PCDHGA10: variants seen among roughly 807,000 people sequenced by gnomAD.
PCDHGA10 encodes protocadherin gamma subfamily A, 10.
PCDHGA10 carries 42 observed loss-of-function variants against 59.5 expected under a neutral mutation model. The observed-to-expected ratio is 0.71, with a 90% CI of 0.55 to 0.91. The LOEUF (loss-of-function observed/expected upper bound fraction) is 0.91, where lower values mean the gene tolerates loss of function less well. Ranked by LOEUF, PCDHGA10 falls within the 40% of genes least tolerant of loss-of-function variation. PCDHGA10 has a pLI of 0.00. For synonymous variants in PCDHGA10, 511 were observed against 517.2 expected (o/e 0.99, Z 0.16); for missense variants, 1,111 against 1,198.2 (o/e 0.93, Z 1.07).
Position 141,477,198 on chromosome 5 carries a change from TACCCGAGGATG to T in PCDHGA10, c.2437-17608_2437-17598del. 6.2e-7 allele frequency: 1 copy of T among 1,614,194 alleles called. No homozygotes were observed. The highest frequency in any genetic ancestry group is 2.2e-5 in the East Asian group (1 of 44,874). On this transcript the variant is annotated intron_variant, in intron 1 of 3. Transcript: ENST00000398610. The surrounding 1 kb of genome is among the most constrained non-coding windows in gnomAD (Gnocchi z 4.9). ...ACAGTCACCTCCGTGTACAGCCCAG[TACCCGAGGATG>T]CCCCTCTGGGGACTGTCATCGCTTT...
intron 1 of PCDHGA10, among the ~76,000 whole-genome samples, chr5:141,462,877 T>G (rs1387501705): frequency 1.3e-5 from 2 of 152,240 alleles, no homozygotes; most frequent in African/African-American, 4.8e-5. Flanking sequence ...CTTTAAGAAC[T>G]ATTGCAGTTT....
At chr5:141,418,409 G>C in intron 1 of PCDHGA10, 4 of 1,613,910 alleles carry the variant, frequency 2.5e-6, no homozygotes, top group Admixed American at 1.7e-5. Context: ...GGTGGAGAAA[G>C]ACAATCCTGA....
chr5:141,431,833 AAACTCT>A lies in PCDHGA10; in HGVS notation c.2436+16223_2436+16228del. The A allele has an allele frequency of 1.2e-6, 2 of 1,614,278 alleles. No homozygotes were observed. Among genetic ancestry groups the A allele is most frequent in the Non-Finnish European group, 1.7e-6 (2 of 1,180,044 alleles). ...CCTCTCTCGCCAGCTCGGTTCCCGA[AAACTCT>A]CCCAGAGGGACATTAATTGCCCTTT... is the stretch of plus-strand genomic sequence containing the variant. On this transcript the variant is annotated intron_variant, in intron 1 of 3. Transcript: ENST00000398610. This position sits in a 1 kb window ranked among gnomAD's most constrained non-coding sequence, Gnocchi z 4.8.
At chr5:141,461,963 C>T (rs1396490046) in intron 1 of PCDHGA10, among the ~76,000 whole-genome samples, 1 of 152,084 alleles carries the variant, frequency 6.6e-6, no homozygotes, top group Non-Finnish European at 1.5e-5. Flanking sequence ...AGCTGGGATT[C>T]CAGGCATATG....
At chr5:141,418,305 G>T in intron 1 of PCDHGA10, 1 of 1,614,026 alleles carries the variant, frequency 6.2e-7, no homozygotes, top group South Asian at 1.1e-5. Context: ...GTCAGCCTGG[G>T]GATGGGAACA....
Position 141,487,491 on chromosome 5 carries a change from C to T in PCDHGA10, c.2437-7316C>T. ...GTGGGAGGCCACTCTCATGGCTGTA[C>T]ACCCTTGGCTTCTGCACCCACTCGG... is the stretch of plus-strand genomic sequence containing the variant. On this transcript the variant is annotated intron_variant, in intron 1 of 3. Transcript: ENST00000398610. This position sits in a 1 kb window ranked among gnomAD's most constrained non-coding sequence, Gnocchi z 5.0. 6.2e-7 allele frequency: 1 copy of T among 1,614,204 alleles called. No individual in the cohort carries two copies. Among genetic ancestry groups the T allele is most frequent in the Non-Finnish European group, 8.5e-7 (1 of 1,180,034 alleles).
chr5:141,455,476 G>C (rs2098823789), intron 1 of PCDHGA10, among the ~76,000 whole-genome samples: 1 of 152,218 alleles, frequency 6.6e-6, no homozygotes. Flanking sequence ...ATATGCAGAG[G>C]CTGGTGGAGG....
chr5:141,489,558 G>A lies in PCDHGA10; in HGVS notation c.2437-5249G>A. On this transcript the variant is annotated intron_variant, in intron 1 of 3. Coordinates refer to ENST00000398610, the MANE Select transcript of PCDHGA10 (RefSeq NM_018913.3). The surrounding 1 kb of genome is among the most constrained non-coding windows in gnomAD (Gnocchi z 4.5). ...CCAGCACCAGCTGCCTGCTGCCAGT[G>A]CAGGTGGTGACTGAACACCCCCTGG... 1 of 1,614,130 alleles carries A rather than the reference G, an allele frequency of 6.2e-7. No individual in the cohort carries two copies. Among genetic ancestry groups the A allele is most frequent in the Non-Finnish European group, 8.5e-7 (1 of 1,180,024 alleles).
intron 1 of PCDHGA10, among the ~76,000 whole-genome samples, chr5:141,464,702 G>T (rs934638404): frequency 1.3e-5 from 2 of 151,942 alleles, no homozygotes; most frequent in African/African-American, 2.4e-5. Context: ...TATGAATGAG[G>T]TTAAATAGTT....
In PCDHGA10 at chr5:141,476,042, T is replaced by C. The variant is rs199923442; in HGVS notation, c.2437-18765T>C. On this transcript the variant is annotated intron_variant, in intron 1 of 3. Coordinates refer to ENST00000398610, the MANE Select transcript of PCDHGA10 (RefSeq NM_018913.3). The surrounding 1 kb of genome is among the most constrained non-coding windows in gnomAD (Gnocchi z 7.6). Reference sequence around the variant, plus strand: ...GACTCGGCGCCCAGCGCCCAAGCGCTAACCCGCTGAAAGTTTCTCAGCGAA... The same window carrying C: ...GACTCGGCGCCCAGCGCCCAAGCGCCAACCCGCTGAAAGTTTCTCAGCGAA... 1.4e-5 allele frequency: 21 copies of C among 1,491,832 alleles called. No individual in the cohort carries two copies. The highest frequency in any genetic ancestry group is 2.7e-6 in the Non-Finnish European group (3 of 1,123,808). 92.4% of individuals were successfully genotyped at this position (1,491,832 alleles called of 1,614,324 possible). A position where few individuals can be genotyped will look rare whatever the true frequency, so the allele number is the denominator to read the frequency against.
chr5:141,505,911 A>C (rs2099849083), intron 3 of PCDHGA10, among the ~76,000 whole-genome samples: 1 of 152,154 alleles, frequency 6.6e-6, no homozygotes, highest in South Asian at 2.1e-4. Flanking sequence ...CAAAGCATAG[A>C]GTTCTGGGCC....
chr5:141,448,338 T>A (rs1053822287), intron 1 of PCDHGA10, among the ~76,000 whole-genome samples: 1 of 152,192 alleles, frequency 6.6e-6, no homozygotes, highest in African/African-American at 2.4e-5. Context: ...TATAGCCATG[T>A]ACCTCAATCT....
In PCDHGA10 at chr5:141,489,645, C is replaced by T; in HGVS notation, c.2437-5162C>T. 1.2e-6 allele frequency: 2 copies of T among 1,614,156 alleles called. No homozygotes were observed. The highest frequency in any genetic ancestry group is 2.7e-5 in the African/African-American group (2 of 75,022). On this transcript the variant is annotated intron_variant, in intron 1 of 3. Transcript: ENST00000398610. This position sits in a 1 kb window ranked among gnomAD's most constrained non-coding sequence, Gnocchi z 4.5. ...ATGACAACTCTCCTAGCTTTGCCAC[C>T]CCTGAGCGAGAGATGCGCATCTCAG...
intron 1 of PCDHGA10, among the ~76,000 whole-genome samples, chr5:141,444,242 G>A (rs964582042): frequency 7.5e-6 from 1 of 133,896 alleles, no homozygotes; most frequent in Non-Finnish European, 1.5e-5. Flanking sequence ...CATGCTCTCG[G>A]CTCACTGCAA....
chr5:141,476,318 G>T lies in PCDHGA10; in HGVS notation c.2437-18489G>T. 3 of 1,614,202 alleles carry T rather than the reference G, an allele frequency of 1.9e-6. No homozygotes were observed. The highest frequency in any genetic ancestry group is 2.5e-6 in the Non-Finnish European group (3 of 1,180,052). The stretch of plus-strand genomic sequence containing the variant: ...TAGCCTCTCAGCCCGCAGGTTCCGG[G>T]TGGTGTCTGGAGCTAGCCGAAGATT... On this transcript the variant is annotated intron_variant, in intron 1 of 3. Transcript: ENST00000398610. This position sits in a 1 kb window ranked among gnomAD's most constrained non-coding sequence, Gnocchi z 7.6.
Position 141,450,006 on chromosome 5 carries a change from C to CTATTTTTT in PCDHGA10, c.2436+34396_2436+34397insATTTTTTT, listed in dbSNP as rs70988802. Among the ~76,000 whole-genome samples the CTATTTTTT allele has an allele frequency of 4.4e-4, 58 of 132,942 alleles. 2 individuals carry two copies. The highest frequency in any genetic ancestry group is 8.4e-4 in the African/African-American group (30 of 35,608). The allele number at this position is 132,942 out of a possible 152,430, so 87.2% of individuals were successfully genotyped here. A position where few individuals can be genotyped will look rare whatever the true frequency, so the allele number is the denominator to read the frequency against. ...CACATTGCATTTAGTTGCCATGTCT[C>CTATTTTTT]TTTTTTTTTTTTTTTTTTGAGACAG... On this transcript the variant is annotated intron_variant, in intron 1 of 3. Coordinates refer to ENST00000398610, the MANE Select transcript of PCDHGA10 (RefSeq NM_018913.3).
intron 1 of PCDHGA10, chr5:141,441,728 G>T: frequency 2.8e-6 from 1 of 361,966 alleles, no homozygotes. Flanking sequence ...CCCGCGACCA[G>T]GACTAGCTCG....
At chr5:141,449,101 G>T (rs1020443363) in intron 1 of PCDHGA10, among the ~76,000 whole-genome samples, 3 of 152,144 alleles carry the variant, frequency 2.0e-5, no homozygotes, top group Non-Finnish European at 4.4e-5. Flanking sequence ...TACATATGCA[G>T]TATATCTTTG....
chr5:141,493,656 T>C lies in PCDHGA10; in HGVS notation c.2437-1151T>C, dbSNP rs1481871984. Among the ~76,000 whole-genome samples, 1 of 152,184 alleles carries C rather than the reference T, an allele frequency of 6.6e-6. No homozygotes were observed. Among genetic ancestry groups the C allele is most frequent in the African/African-American group, 2.4e-5 (1 of 41,454 alleles). ...CTGAGGGCTGGCCATCCCTGTGCCC[T>C]TCTCCATGGCAGCCCCAGAATGGTG... On this transcript the variant is annotated intron_variant, in intron 1 of 3. Coordinates refer to ENST00000398610, the MANE Select transcript of PCDHGA10 (RefSeq NM_018913.3). The surrounding 1 kb of genome is among the most constrained non-coding windows in gnomAD (Gnocchi z 4.3).
Sources: gnomAD v4.1 joint callset for allele counts (sites outside exome capture counted in the v4.1 genomes callset) on GRCh38, gnomAD v4.1.1 for gene constraint, Gnocchi (gnomAD v3.1) non-coding constraint, MANE v1.5 for transcripts, NCBI Gene and HGNC (gene_info 2026-07-23, HGNC 2026-07-21) for gene names.